ADGRE5: variants seen among roughly 807,000 people sequenced by gnomAD.
The protein encoded by ADGRE5 is CD97 molecule.
In ADGRE5, 72 loss-of-function variants were observed where a neutral mutation model predicts 100.3. The observed-to-expected ratio is 0.72, with a 90% CI of 0.59 to 0.87. The LOEUF (loss-of-function observed/expected upper bound fraction) is 0.87, where lower values mean the gene tolerates loss of function less well. Among genes scored for constraint, ADGRE5 ranks in the 40% least tolerant of loss-of-function variants. ADGRE5 has a pLI of 0.00. For synonymous variants in ADGRE5, 439 were observed against 447.8 expected (o/e 0.98, Z 0.25); for missense variants, 959 against 1,094.7 (o/e 0.88, Z 1.75).
At chr19:14,385,497 G>A (rs1975314572) in intron 1 of ADGRE5, among the ~76,000 whole-genome samples, 1 of 152,080 alleles carries the variant, frequency 6.6e-6, no homozygotes, top group South Asian at 2.1e-4. Flanking sequence ...CCCCATCTCT[G>A]AATCCCCTGG....
Position 14,395,978 on chromosome 19 carries a change from G to A in ADGRE5, c.347-364G>A, listed in dbSNP as rs552657723. On this transcript the variant is annotated intron_variant, in intron 4 of 19. Coordinates refer to ENST00000242786, the MANE Select transcript of ADGRE5 (RefSeq NM_078481.4). ...TGTGGGAGTCAGGCCGAGGGCCACC[G>A]TTGGGAACCAAGACGTGTCCTGCCC... Among the ~76,000 whole-genome samples the A allele has an allele frequency of 4.6e-5, 7 of 152,334 alleles. No individual in the cohort carries two copies. The East Asian group carries it at 7.7e-4, about 17-fold the overall frequency.
chr19:14,389,866 C>G (rs566051857), intron 3 of ADGRE5, among the ~76,000 whole-genome samples: 3 of 151,936 alleles, frequency 2.0e-5, no homozygotes, highest in Admixed American at 6.6e-5. Flanking sequence ...GTTGGGAGTT[C>G]GAGACCAGCC....
At chr19:14,385,571 G>T (rs905100437) in intron 1 of ADGRE5, among the ~76,000 whole-genome samples, 2 of 152,062 alleles carry the variant, frequency 1.3e-5, no homozygotes, top group African/African-American at 4.8e-5. Flanking sequence ...GCTGGGAACC[G>T]CCACTCCACG....
chr19:14,408,361 G>GGGT lies in ADGRE5; in HGVS notation c.*243_*245dup. 3.2e-6 allele frequency: 2 copies of GGGT among 617,638 alleles called. No homozygotes were observed. The highest frequency in any genetic ancestry group is 5.8e-6 in the Non-Finnish European group (2 of 344,712). The allele number at this position is 617,638 out of a possible 1,614,324, so 38.3% of individuals were successfully genotyped here. On this transcript the variant is annotated 3_prime_UTR_variant, in exon 20 of 20. Coordinates refer to ENST00000242786, the MANE Select transcript of ADGRE5 (RefSeq NM_078481.4). ...CCTCTCTGCTCCACCTTGTGACCCA[G>GGGT]GGTGGGGACAGGGGCTGGCCCAGGG...
intron 4 of ADGRE5, among the ~76,000 whole-genome samples, chr19:14,391,883 G>A (rs1188359073): frequency 1.4e-5 from 2 of 145,712 alleles, no homozygotes; most frequent in Non-Finnish European, 1.5e-5. Flanking sequence ...GGATCACAAC[G>A]TCAGGAGTTT....
Position 14,408,113 on chromosome 19 carries a change from G to T in ADGRE5, c.2500G>T (p.Gly834Cys). 6.2e-7 allele frequency: 1 copy of T among 1,613,240 alleles called. No individual in the cohort carries two copies. Among genetic ancestry groups the T allele is most frequent in the Non-Finnish European group, 8.5e-7 (1 of 1,179,998 alleles). The change falls in exon 20 of 20, where the codon GGC (glycine) becomes TGC (cysteine). Residue 834 changes from glycine (G) to cysteine (C), a missense_variant. Physicochemically the swap from Gly to Cys is radical, Grantham distance 159 (BLOSUM62 -3). Coordinates refer to ENST00000242786, the MANE Select transcript of ADGRE5 (RefSeq NM_078481.4). ...QTRALRASES[G>C]I ...CCAGGCCCTCAGGGCATCAGAGTCC[G>T]GCATATGAAGGCGCATGGTTCTGGA...
Position 14,401,464 on chromosome 19 carries a change from A to G in ADGRE5, c.976A>G (p.Ile326Val). ...CCTGGCGCCACCTGTCCGGCACCTCATAGCCACCCAGCTGCTCTCAAACCT... is the reference window on the plus strand; with the variant it reads ...CCTGGCGCCACCTGTCCGGCACCTCGTAGCCACCCAGCTGCTCTCAAACCT... ...EALAPPVRHL[I>V]ATQLLSNLED... Residue 326 changes from isoleucine (I) to valine (V), a missense_variant, in exon 10 of 20, where the codon ATA (isoleucine) becomes GTA (valine). Transcript: ENST00000242786. The surrounding 1 kb of genome is among the most constrained non-coding windows in gnomAD (Gnocchi z 4.1). 1 of 1,614,100 alleles carries G rather than the reference A, an allele frequency of 6.2e-7. No homozygotes were observed. Among genetic ancestry groups the G allele is most frequent in the Non-Finnish European group, 8.5e-7 (1 of 1,179,982 alleles).
At chr19:14,389,223 G>T (rs140623436) in intron 3 of ADGRE5, among the ~76,000 whole-genome samples, 588 of 11,856 alleles carry the variant, frequency 0.05, 38 homozygotes, top group East Asian at 0.17. Context: ...GGGAGAAGGG[G>T]AGGGGAAGGG....
intron 9 of ADGRE5, among the ~76,000 whole-genome samples, chr19:14,400,016 A>G (rs79768657): frequency 1.4e-5 from 2 of 139,994 alleles, no homozygotes; most frequent in Non-Finnish European, 3.1e-5. Context: ...TAATTTTTTC[A>G]TTTTTTTTTT....
rs1391084358 is a variant in ADGRE5 at position 14,396,489 on chromosome 19, A to C, written c.478+16A>C. On this transcript the variant is annotated intron_variant, in intron 5 of 19. Coordinates refer to ENST00000242786, the MANE Select transcript of ADGRE5 (RefSeq NM_078481.4). ...GTCTGCACAGGTAGAGGCCCCAGGA[A>C]GACGCCGTGAGGCTGGACGGGAGCT... 6.2e-7 allele frequency: 1 copy of C among 1,613,940 alleles called. No individual in the cohort carries two copies. The highest frequency in any genetic ancestry group is 1.3e-5 in the African/African-American group (1 of 74,960).
intron 11 of ADGRE5, among the ~76,000 whole-genome samples, chr19:14,402,218 C>T (rs900349254): frequency 2.6e-5 from 4 of 151,636 alleles, no homozygotes; most frequent in African/African-American, 7.3e-5. Flanking sequence ...ATGGATCACC[C>T]GAGGTCAGGA....
chr19:14,397,313 C>G, intron 6 of ADGRE5, 90 bp downstream of exon 6: 1 of 1,582,800 alleles, frequency 6.3e-7, no homozygotes, highest in Non-Finnish European at 8.6e-7. Context: ...AGAATGAGCG[C>G]TGGAGGCACC....
chr19:14,392,182 G>T (rs1226157503), intron 4 of ADGRE5, among the ~76,000 whole-genome samples: 1 of 151,736 alleles, frequency 6.6e-6, no homozygotes, highest in Non-Finnish European at 1.5e-5. Context: ...GCCAAGGTGG[G>T]AGGATCACTT....
rs1975585877 is a variant in ADGRE5 at position 14,391,094 on chromosome 19, A to G, written c.346+15A>G. On this transcript the variant is annotated intron_variant, in intron 4 of 19. Coordinates refer to ENST00000242786, the MANE Select transcript of ADGRE5 (RefSeq NM_078481.4). The stretch of plus-strand genomic sequence containing the variant: ...CACCTGTCAAGGTAAGAACCACCCC[A>G]CGTCCTCTGACTTTCCATCCATGAG... 2.5e-6 allele frequency: 4 copies of G among 1,613,850 alleles called. No individual in the cohort carries two copies. The highest frequency in any genetic ancestry group is 3.4e-6 in the Non-Finnish European group (4 of 1,179,720).
chr19:14,398,562 C>G (rs1975877818), intron 9 of ADGRE5, among the ~76,000 whole-genome samples: 1 of 151,042 alleles, frequency 6.6e-6, no homozygotes, highest in African/African-American at 2.4e-5. Flanking sequence ...GTAGTCCCAG[C>G]TACTCAGCAG....
At chr19:14,397,322 C>A in intron 6 of ADGRE5, 99 bp downstream of exon 6, 1 of 1,569,252 alleles carries the variant, frequency 6.4e-7, no homozygotes, top group South Asian at 1.1e-5. Context: ...GCTGGAGGCA[C>A]CTGGCTGTGC....
intron 1 of ADGRE5, among the ~76,000 whole-genome samples, chr19:14,386,666 C>T (rs1248049226): frequency 1.4e-5 from 2 of 142,436 alleles, no homozygotes; most frequent in African/African-American, 5.3e-5. Context: ...TGCACTCCAG[C>T]CTGGGCGACA....
Position 14,406,421 on chromosome 19 carries a change from T to C in ADGRE5, c.1912T>C (p.Tyr638His), listed in dbSNP as rs1976240995. 6 of 1,590,828 alleles carry C rather than the reference T, an allele frequency of 3.8e-6. No homozygotes were observed. Among genetic ancestry groups the C allele is most frequent in the African/African-American group, 1.3e-5 (1 of 74,588 alleles). Residue 638 changes from tyrosine (Y) to histidine (H), a missense_variant, in exon 15 of 20, where the codon TAC becomes CAC. Around this residue, in one of 6 missense-constraint regions of ADGRE5, gnomAD observed 428 missense variants for 386.2 expected, o/e 1.11. Transcript: ENST00000242786. This position sits in a 1 kb window ranked among gnomAD's most constrained non-coding sequence, Gnocchi z 6.0. ...GATGAGCCTCGAAGGCCTGGAGCTCTACTTTCTTGTGGTGCGCGTGTTCCA... is the reference window on the plus strand; with the variant it reads ...GATGAGCCTCGAAGGCCTGGAGCTCCACTTTCTTGTGGTGCGCGTGTTCCA... ...CWMSLEGLELYFLVVRVFQGQ... is the reference protein window; with the variant it reads ...CWMSLEGLELHFLVVRVFQGQ...
intron 9 of ADGRE5, among the ~76,000 whole-genome samples, chr19:14,399,099 G>A (rs1159997577): frequency 6.0e-5 from 9 of 151,070 alleles, no homozygotes; most frequent in African/African-American, 1.2e-4. Context: ...CTCCTGCCTC[G>A]GCCTCCCAAC....
Sources: allele counts gnomAD v4.1 joint callset (sites outside exome capture counted in the v4.1 genomes callset), GRCh38; gene constraint gnomAD v4.1.1; regional missense constraint gnomAD v4.1.1; non-coding constraint Gnocchi (gnomAD v3.1); transcripts MANE v1.5; gene names NCBI Gene and HGNC (gene_info 2026-07-23, HGNC 2026-07-21).